The following LHFPL3 variants were observed in gnomAD, a reference collection of about 807,000 sequenced individuals.
LHFPL3 encodes LHFPL tetraspan subfamily member 3, also known as LHFPL tetraspan subfamily member 3 protein.
A neutral mutation model predicts 19.3 loss-of-function variants in LHFPL3; 5 were observed. That is an observed-to-expected ratio of 0.26 (90% CI 0.14 to 0.54). The LOEUF is 0.54. LHFPL3 is among the 20% of genes least tolerant of loss of function. LHFPL3 has a pLI of 0.94. For missense variants in LHFPL3, 249 were observed against 307.4 expected (o/e 0.81, Z 1.42); for synonymous variants, 133 against 126.2 (o/e 1.05, Z -0.36).
At chr7:104,751,125 GCTC>G (rs1794161171) in intron 2 of LHFPL3, among the ~76,000 whole-genome samples, 1 of 12,554 alleles carries the variant, frequency 8.0e-5, no homozygotes, top group Admixed American at 1.3e-3. Flanking sequence ...TTTATGCATA[GCTC>G]CTCCGATTCA....
chr7:104,551,167 AAAC>A (rs2115908689), intron 1 of LHFPL3, among the ~76,000 whole-genome samples: 1 of 152,328 alleles, frequency 6.6e-6, no homozygotes, highest in African/African-American at 2.4e-5. Context: ...TTTTATAAAA[AAAC>A]AACTATTAAG....
chr7:104,750,071 G>T (rs1485085467), intron 2 of LHFPL3, among the ~76,000 whole-genome samples: 1 of 152,040 alleles, frequency 6.6e-6, no homozygotes, highest in East Asian at 1.9e-4. Flanking sequence ...CGACCCCACA[G>T]ATTAAGAGGA....
chr7:104,881,409 T>C (rs1173179084), intron 2 of LHFPL3, among the ~76,000 whole-genome samples: 1 of 152,208 alleles, frequency 6.6e-6, no homozygotes, highest in Admixed American at 6.5e-5. Flanking sequence ...CCTTCAAGGA[T>C]GACTTTGAGT....
chr7:104,907,337 T>C lies in LHFPL3; in HGVS notation c.*1122T>C, dbSNP rs904923934. The C allele has an allele frequency of 2.0e-5, 3 of 152,200 alleles. No individual in the cohort carries two copies. The highest frequency in any genetic ancestry group is 7.2e-5 in the African/African-American group (3 of 41,444). The allele number at this position is 152,200 out of a possible 1,614,324, so 9.4% of individuals were successfully genotyped here. On this transcript the variant is annotated 3_prime_UTR_variant, in exon 3 of 3. Transcript: ENST00000424859. ...TAATAGCCTTAGAAATAAATGACTG[T>C]ATACTTATACAGGTTGAAAAAAACT...
rs1790452633 is a variant in LHFPL3, at chr7:104,581,140, C to T, written c.446-155535C>T. 2.0e-5 allele frequency among the ~76,000 whole-genome samples: 3 copies of T among 151,958 alleles called. No homozygotes were observed. In the South Asian group the frequency reaches 6.2e-4, roughly 32 times the overall value. On this transcript the variant is annotated intron_variant, in intron 1 of 2. Coordinates refer to ENST00000424859, the MANE Select transcript of LHFPL3 (RefSeq NM_199000.3). ...GTGATTGATCCATTTTTACACTCCC[C>T]TCAGCAGTGTATGAGAATTCCAGTT...
At chr7:104,353,666 G>A (rs966211651) in intron 1 of LHFPL3, among the ~76,000 whole-genome samples, 5 of 152,326 alleles carry the variant, frequency 3.3e-5, no homozygotes, top group Admixed American at 1.3e-4. Context: ...AATAGGGCGG[G>A]AAGATTGTGC....
Position 104,851,751 on chromosome 7 carries a change from A to G in LHFPL3, c.683-54436A>G, listed in dbSNP as rs1321521152. Among the ~76,000 whole-genome samples the G allele has an allele frequency of 2.0e-5, 3 of 152,120 alleles. No homozygotes were observed. In the East Asian group the frequency reaches 5.8e-4, roughly 30 times the overall value. On this transcript the variant is annotated intron_variant, in intron 2 of 2. Transcript: ENST00000424859. The stretch of plus-strand genomic sequence containing the variant: ...AAGAGAACTAAAGATACAGAGTCAC[A>G]TTTTCAAGAATTTGACAAGAGCAAA...
chr7:104,451,830 C>T (rs909077141), intron 1 of LHFPL3, among the ~76,000 whole-genome samples: 8 of 151,950 alleles, frequency 5.3e-5, no homozygotes, highest in South Asian at 2.1e-4. Flanking sequence ...CTGCAACCTC[C>T]GCCTCCAGGG....
intron 1 of LHFPL3, among the ~76,000 whole-genome samples, chr7:104,626,085 A>C (rs1791540227): frequency 6.6e-6 from 1 of 152,220 alleles, no homozygotes; most frequent in South Asian, 2.1e-4. Context: ...TAAATAAGAC[A>C]ATGATATTAT....
chr7:104,585,076 TC>T (rs1357475281), intron 1 of LHFPL3, among the ~76,000 whole-genome samples: 1 of 152,120 alleles, frequency 6.6e-6, no homozygotes, highest in Non-Finnish European at 1.5e-5. Flanking sequence ...TGGCACTTTT[TC>T]CCCCTCTTGT....
chr7:104,889,062 A>T (rs943560770), intron 2 of LHFPL3, among the ~76,000 whole-genome samples: 6 of 152,244 alleles, frequency 3.9e-5, no homozygotes, highest in Non-Finnish European at 8.8e-5. Flanking sequence ...TCACAAAGGC[A>T]TTGTTTAAAA....
intron 2 of LHFPL3, among the ~76,000 whole-genome samples, chr7:104,798,887 G>A (rs1790187483): frequency 6.6e-6 from 1 of 152,046 alleles, no homozygotes; most frequent in African/African-American, 2.4e-5. Context: ...TATATCGTAA[G>A]GTTTTACTAA....
Position 104,492,290 on chromosome 7 carries a change from A to G in LHFPL3, c.445+163066A>G, listed in dbSNP as rs182250017. 4.1e-4 allele frequency among the ~76,000 whole-genome samples: 63 copies of G among 152,322 alleles called. 1 individual carries two copies. Among genetic ancestry groups the G allele is most frequent in the Non-Finnish European group, 8.2e-4 (56 of 68,034 alleles). The stretch of plus-strand genomic sequence containing the variant: ...AACAGGAAATAATATCAGAATTCCA[A>G]TAATAGCAACAGAACGGTGGCACTC... On this transcript the variant is annotated intron_variant, in intron 1 of 2. Transcript: ENST00000424859.
intron 2 of LHFPL3, among the ~76,000 whole-genome samples, chr7:104,807,041 GTGTGTGTGTGTGTA>G (rs916672761): frequency 3.5e-5 from 5 of 142,342 alleles, no homozygotes; most frequent in African/African-American, 1.2e-4. Context: ...GTGTGTGTGT[GTGTGTGTGTGTGTA>G]TTAGAGTCCT....
rs774461426 is a variant in LHFPL3, at chr7:104,328,819, G to C, written c.40G>C (p.Ala14Pro). The change falls in exon 1 of 3, where the codon GCG becomes CCG. Residue 14 changes from alanine to proline, a missense_variant. Ala to Pro is a conservative substitution (Grantham distance 27). Transcript: ENST00000424859. This position sits in a 1 kb window ranked among gnomAD's most constrained non-coding sequence, Gnocchi z 4.6. ...CGCCGCTGCCGCCGCCGCCGCCGCC[G>C]CGATGCTCCCGGCTCAGGAGGCTGC... ...AAAAAAAAAAAMLPAQEAAKL... is the reference protein window; with the variant it reads ...AAAAAAAAAAPMLPAQEAAKL... 6.2e-7 allele frequency: 1 copy of C among 1,611,398 alleles called. No homozygotes were observed. The highest frequency in any genetic ancestry group is 2.2e-5 in the East Asian group (1 of 44,692).
intron 2 of LHFPL3, among the ~76,000 whole-genome samples, chr7:104,900,367 T>C (rs1330973338): frequency 6.6e-6 from 1 of 152,188 alleles, no homozygotes; most frequent in East Asian, 1.9e-4. Context: ...GTGAAATACT[T>C]ACTTTCCAAA....
chr7:104,753,106 C>T (rs192315356), intron 2 of LHFPL3, among the ~76,000 whole-genome samples: 2 of 152,272 alleles, frequency 1.3e-5, no homozygotes, highest in Non-Finnish European at 1.5e-5. Flanking sequence ...AGCAACACTG[C>T]CCCTGGTGAT....
At chr7:104,440,455 C>A (rs1792202754) in intron 1 of LHFPL3, among the ~76,000 whole-genome samples, 3 of 151,378 alleles carry the variant, frequency 2.0e-5, no homozygotes, top group East Asian at 1.9e-4. Context: ...AGGAGATATA[C>A]CTAATGTAAA....
chr7:104,566,789 C>T (rs1220846045), intron 1 of LHFPL3, among the ~76,000 whole-genome samples: 1 of 152,096 alleles, frequency 6.6e-6, no homozygotes, highest in Admixed American at 6.5e-5. Context: ...CCTTTTGTGC[C>T]ATTCATTTCT....
Sources: gnomAD v4.1 joint callset for allele counts (sites outside exome capture counted in the v4.1 genomes callset) on GRCh38, gnomAD v4.1.1 for gene constraint, Gnocchi (gnomAD v3.1) non-coding constraint, MANE v1.5 for transcripts, NCBI Gene and HGNC (gene_info 2026-07-23, HGNC 2026-07-21) for gene names.